ELAVL2: variants seen among roughly 807,000 people sequenced by gnomAD.
The protein encoded by ELAVL2 is ELAV-like protein 2.
In ELAVL2, 4 loss-of-function variants were observed where a neutral mutation model predicts 34.6. The observed-to-expected ratio is 0.12, with a 90% CI of 0.06 to 0.26. The LOEUF (loss-of-function observed/expected upper bound fraction) is 0.26, where lower values mean the gene tolerates loss of function less well. Ranked by LOEUF, ELAVL2 falls within the 10% of genes least tolerant of loss-of-function variation. ELAVL2 has a pLI of 1.00. For missense variants in ELAVL2, 432 were observed against 442.8 expected (o/e 0.98, Z 0.22); for synonymous variants, 193 against 154.8 (o/e 1.25, Z -1.83).
chr9:23,799,980 C>A (rs544901205), intron 1 of ELAVL2, among the ~76,000 whole-genome samples: 20 of 152,236 alleles, frequency 1.3e-4, no homozygotes, highest in African/African-American at 3.9e-4. Flanking sequence ...AGGGGACAGA[C>A]CTAATCTTTC....
intron 1 of ELAVL2, chr9:23,821,872 G>T (rs1441054132): frequency 6.6e-6 from 1 of 151,374 alleles, no homozygotes; most frequent in Non-Finnish European, 1.5e-5. Context: ...GGAGGGGCTT[G>T]CTTGGAAGAG....
chr9:23,739,018 A>C (rs1367748417), intron 2 of ELAVL2, among the ~76,000 whole-genome samples: 1 of 152,190 alleles, frequency 6.6e-6, no homozygotes, highest in Non-Finnish European at 1.5e-5. Flanking sequence ...AAGAACTCCC[A>C]CACAATTCAG....
intron 1 of ELAVL2, among the ~76,000 whole-genome samples, chr9:23,774,213 C>CAAAAAAAAAAAA (rs57247631): frequency 1.5e-4 from 9 of 61,450 alleles, no homozygotes; most frequent in East Asian, 5.7e-4. Context: ...GACTCCATCT[C>CAAAAAAAAAAAA]AAAAAAAAAA....
chr9:23,763,033 C>T (rs1407413350), intron 1 of ELAVL2, among the ~76,000 whole-genome samples: 11 of 152,048 alleles, frequency 7.2e-5, no homozygotes, highest in African/African-American at 1.2e-4. Flanking sequence ...CCAAACACTT[C>T]GATATGGTGT....
intron 3 of ELAVL2, among the ~76,000 whole-genome samples, chr9:23,728,942 C>T (rs1375041390): frequency 6.6e-6 from 1 of 152,142 alleles, no homozygotes; most frequent in Non-Finnish European, 1.5e-5. Context: ...CCCTGACCCA[C>T]ATCTCAGAAA....
chr9:23,841,541 T>A, the ELAVL2 span, among the ~76,000 whole-genome samples: 1 of 152,020 alleles, frequency 6.6e-6, no homozygotes, highest in Non-Finnish European at 1.5e-5. Flanking sequence ...GAGACAATAC[T>A]TACTCTCTGA....
At chr9:23,816,433 A>C (rs2063735440) in intron 1 of ELAVL2, among the ~76,000 whole-genome samples, 1 of 151,880 alleles carries the variant, frequency 6.6e-6, no homozygotes, top group Admixed American at 6.6e-5. Flanking sequence ...ATAGTCTTTA[A>C]AGTTGCTGAA....
chr9:23,698,157 A>T (rs934643670), intron 5 of ELAVL2, among the ~76,000 whole-genome samples: 4 of 152,228 alleles, frequency 2.6e-5, no homozygotes, highest in African/African-American at 9.6e-5. Flanking sequence ...ACTAGATCAT[A>T]TTCAATAAAA....
intron 1 of ELAVL2, among the ~76,000 whole-genome samples, chr9:23,766,011 A>T (rs190165111): frequency 1.3e-5 from 2 of 152,304 alleles, no homozygotes; most frequent in Non-Finnish European, 2.9e-5. Context: ...GATGCTTCAA[A>T]TGGTCAATAT....
chr9:23,795,216 T>C (rs984461461), intron 1 of ELAVL2, among the ~76,000 whole-genome samples: 3 of 152,262 alleles, frequency 2.0e-5, no homozygotes, highest in South Asian at 2.1e-4. Flanking sequence ...TAAGATTCCC[T>C]AAGAACCTAA....
chr9:23,808,283 T>C (rs2062511798), intron 1 of ELAVL2, among the ~76,000 whole-genome samples: 1 of 152,202 alleles, frequency 6.6e-6, no homozygotes, highest in African/African-American at 2.4e-5. Context: ...ATGTAATAAT[T>C]TGTAGAACTT....
At chr9:23,703,336 T>C (rs556187061) in intron 4 of ELAVL2, among the ~76,000 whole-genome samples, 4 of 152,354 alleles carry the variant, frequency 2.6e-5, no homozygotes, top group African/African-American at 9.6e-5. Flanking sequence ...AATTCATCTT[T>C]ATTTCTAGGC....
intron 4 of ELAVL2, among the ~76,000 whole-genome samples, chr9:23,704,554 A>G (rs1340385084): frequency 6.6e-6 from 1 of 151,916 alleles, no homozygotes; most frequent in African/African-American, 2.4e-5. Flanking sequence ...ATACCGCTGC[A>G]TTAAACTTCG....
At chr9:23,719,466 T>C (rs2043119681) in intron 3 of ELAVL2, among the ~76,000 whole-genome samples, 1 of 152,198 alleles carries the variant, frequency 6.6e-6, no homozygotes. Flanking sequence ...CATTGCTTAA[T>C]GAAGAACATG....
chr9:23,726,083 A>G (rs935742961), intron 3 of ELAVL2, among the ~76,000 whole-genome samples: 1 of 152,124 alleles, frequency 6.6e-6, no homozygotes, highest in Non-Finnish European at 1.5e-5. Flanking sequence ...ACAGAAAAAA[A>G]AAAGTATAAA....
chr9:23,742,449 A>G (rs1010505223), intron 2 of ELAVL2, among the ~76,000 whole-genome samples: 1 of 152,194 alleles, frequency 6.6e-6, no homozygotes, highest in African/African-American at 2.4e-5. Flanking sequence ...TTCGCATACA[A>G]TATGGTGACA....
In ELAVL2 at chr9:23,816,344, AAAG is replaced by A. The variant is rs201137364; in HGVS notation, c.-16+9459_-16+9461del. On this transcript the variant is annotated intron_variant, in intron 1 of 6. Coordinates refer to ENST00000397312, the MANE Select transcript of ELAVL2 (RefSeq NM_004432.5). ...AAAAAAAAAAAAAAAAAAAAAAAAA[AAAG>A]GGGATAAAAATCCATCTTGAAGGAA... Among the ~76,000 whole-genome samples, 529 of 148,940 alleles carry A rather than the reference AAAG, an allele frequency of 3.6e-3. 8 individuals carry two copies. The highest frequency in any genetic ancestry group is 0.011 in the African/African-American group (460 of 40,382).
chr9:23,809,605 T>C (rs1195080129), intron 1 of ELAVL2, among the ~76,000 whole-genome samples: 1 of 152,178 alleles, frequency 6.6e-6, no homozygotes, highest in East Asian at 1.9e-4. Context: ...TTCAATTGAT[T>C]ATCAGTCTCA....
At chr9:23,705,716 G>C (rs1015908053) in intron 3 of ELAVL2, among the ~76,000 whole-genome samples, 2 of 152,190 alleles carry the variant, frequency 1.3e-5, no homozygotes, top group Non-Finnish European at 1.5e-5. Flanking sequence ...GCCCTGATGA[G>C]AATCTAATGC....
Sources: gnomAD v4.1 joint callset for allele counts (sites outside exome capture counted in the v4.1 genomes callset) on GRCh38, gnomAD v4.1.1 for gene constraint, MANE v1.5 for transcripts, NCBI Gene and HGNC (gene_info 2026-07-23, HGNC 2026-07-21) for gene names.